The following SLC24A1 variants were observed in gnomAD, a reference collection of about 807,000 sequenced individuals.
SLC24A1 encodes the protein solute carrier family 24 member 1, also known as sodium/potassium/calcium exchanger 1.
In SLC24A1, 52 loss-of-function variants were observed where a neutral mutation model predicts 88.1. The ratio of observed to expected loss-of-function variants is 0.59; its 90% CI spans 0.47 to 0.74. The LOEUF (loss-of-function observed/expected upper bound fraction) is 0.74. SLC24A1 is among the 30% of genes least tolerant of loss of function. The probability of loss-of-function intolerance (pLI) is 0.00; values close to 1 mark genes in which losing one functional copy is unlikely to be tolerated. For missense variants in SLC24A1, 1,173 were observed against 1,363.3 expected, an observed-to-expected ratio of 0.86 and a Z score of 2.20; for synonymous variants, 455 against 498.0, an observed-to-expected ratio of 0.91 and a Z score of 1.15.
At chr15:65,633,729 TTACA>T (rs1423092393) in intron 2 of SLC24A1, among the ~76,000 whole-genome samples, 2 of 152,162 alleles carry the variant, frequency 1.3e-5, no homozygotes, top group African/African-American at 4.8e-5. Context: ...AAAATTAAAA[TTACA>T]TATATGGCTT....
Position 65,654,452 on chromosome 15 carries a change from A to G in SLC24A1, c.*373A>G. 8.6e-7 allele frequency: 1 copy of G among 1,164,628 alleles called. No homozygotes were observed. The highest frequency in any genetic ancestry group is 1.8e-5 in the South Asian group (1 of 56,228). The allele number at this position is 1,164,628 out of a possible 1,614,324, so 72.1% of individuals were successfully genotyped here. On this transcript the variant is annotated 3_prime_UTR_variant, in exon 10 of 10. Coordinates refer to ENST00000261892, the MANE Select transcript of SLC24A1 (RefSeq NM_004727.3). ...ACGCTCACTGTTCCCTGATCATTCC[A>G]AAGGCTGCTGGCCCAAAAGATGCAG...
chr15:65,660,798 A>T (rs944187334), downstream of SLC24A1: 1 of 152,700 alleles, frequency 6.5e-6, no homozygotes, highest in African/African-American at 2.4e-5. Flanking sequence ...TCTACTTTTG[A>T]AAAAAATTCT....
intron 6 of SLC24A1, among the ~76,000 whole-genome samples, chr15:65,646,290 G>A (rs1249122600): frequency 6.6e-6 from 1 of 151,926 alleles, no homozygotes; most frequent in Non-Finnish European, 1.5e-5. Flanking sequence ...TGTTGGCCAG[G>A]ATGGTCTTGA....
chr15:65,644,554 C>G lies in SLC24A1; in HGVS notation c.2140+41C>G, dbSNP rs756370604. On this transcript the variant is annotated intron_variant, in intron 5 of 9. Coordinates refer to ENST00000261892, the MANE Select transcript of SLC24A1 (RefSeq NM_004727.3). The stretch of plus-strand genomic sequence containing the variant: ...GACCAGTGGGTTTTCTCCTGCCCCC[C>G]TCTCCCTGCTGTCAGTAGTGAGCTT... 5 of 1,382,292 alleles carry G rather than the reference C, an allele frequency of 3.6e-6. No homozygotes were observed. In the African/African-American group the frequency reaches 4.3e-5, roughly 12 times the overall value. The allele number at this position is 1,382,292 out of a possible 1,614,324, so 85.6% of individuals were successfully genotyped here.
chr15:65,647,202 G>A (rs1299968019), intron 6 of SLC24A1, among the ~76,000 whole-genome samples: 2 of 152,174 alleles, frequency 1.3e-5, no homozygotes, highest in East Asian at 1.9e-4. Flanking sequence ...ATCGGGCCGG[G>A]TGTTGTGGCT....
At chr15:65,660,552 T>A (rs79607088), downstream of SLC24A1, 16,700 of 392,418 alleles carry the variant, frequency 0.043, 470 homozygotes, top group Non-Finnish European at 0.058. Context: ...AGCCAAAAGA[T>A]GTTTTTCCTT....
chr15:65,627,867 G>A (rs572827908), intron 2 of SLC24A1, among the ~76,000 whole-genome samples: 1 of 152,318 alleles, frequency 6.6e-6, no homozygotes, highest in Non-Finnish European at 1.5e-5. Context: ...ATAACCTACT[G>A]AAGGGACTCT....
intron 1 of SLC24A1, among the ~76,000 whole-genome samples, chr15:65,623,019 A>G (rs1382218708): frequency 1.3e-5 from 2 of 152,080 alleles, no homozygotes; most frequent in East Asian, 3.9e-4. Context: ...AGGGATTCCA[A>G]GCATGAGCCA....
At chr15:65,628,512 A>C (rs548840032) in intron 2 of SLC24A1, among the ~76,000 whole-genome samples, 1 of 152,266 alleles carries the variant, frequency 6.6e-6, no homozygotes, top group African/African-American at 2.4e-5. Context: ...TTGAGAATCC[A>C]TGCTTACGGA....
Position 65,624,260 on chromosome 15 carries a change from A to G in SLC24A1, c.180A>G (p.Ile60Met), listed in dbSNP as rs1297958997. ...CAGCAGTCTCTTCTCATCAGCCTAT[A>G]AAACTGGCCAGTCGGGACCTCTCCA... is the stretch of plus-strand genomic sequence containing the variant. ...LWAAVSSHQP[I>M]KLASRDLSSE... Residue 60 changes from isoleucine to methionine, a missense_variant, in exon 2 of 10, where the codon ATA becomes ATG. Ile to Met is a conservative substitution (Grantham distance 10). Transcript: ENST00000261892. 8 of 1,613,766 alleles carry G rather than the reference A, an allele frequency of 5.0e-6. No individual in the cohort carries two copies. In the East Asian group the frequency reaches 1.3e-4, roughly 27 times the overall value.
intron 3 of SLC24A1, among the ~76,000 whole-genome samples, chr15:65,639,005 GA>G (rs1006812403): frequency 6.6e-6 from 1 of 151,884 alleles, no homozygotes; most frequent in Non-Finnish European, 1.5e-5. Flanking sequence ...CACATGGGCA[GA>G]AAAAAAACCA....
rs780270019 is a variant in SLC24A1 at position 65,652,820 on chromosome 15, T to C, written c.3050+12T>C. The stretch of plus-strand genomic sequence containing the variant: ...GATATCACTGTGGGGTGAGTGGCAA[T>C]GTAACTTTCTAAGGGGTGTTAAGTA... On this transcript the variant is annotated intron_variant, in intron 9 of 9. Transcript: ENST00000261892. 3 of 1,582,342 alleles carry C rather than the reference T, an allele frequency of 1.9e-6. No individual in the cohort carries two copies. Among genetic ancestry groups the C allele is most frequent in the South Asian group, 2.3e-5 (2 of 86,790 alleles).
intron 4 of SLC24A1, 144 bp downstream of exon 4, chr15:65,639,847 TCAGA>T: frequency 1.5e-6 from 1 of 686,718 alleles, no homozygotes; most frequent in South Asian, 1.6e-5. Flanking sequence ...GTAGTAAAAG[TCAGA>T]CAGTCTGGGA....
In SLC24A1 at chr15:65,642,939, T is replaced by A. The variant is rs140623274; in HGVS notation, c.2054-1488T>A. 154 of 1,167,448 alleles carry A rather than the reference T, an allele frequency of 1.3e-4. No homozygotes were observed. The African/African-American group carries it at 2.1e-3, about 16-fold the overall frequency. The allele number at this position is 1,167,448 out of a possible 1,614,324, so 72.3% of individuals were successfully genotyped here. On this transcript the variant is annotated intron_variant, in intron 4 of 9. Transcript: ENST00000261892. The stretch of plus-strand genomic sequence containing the variant: ...TCCGTCTGTATTATGGACTAGATGA[T>A]CTCCAGGGTTCCTTCTAACTCGGAC...
intron 2 of SLC24A1, among the ~76,000 whole-genome samples, chr15:65,634,755 A>AG (rs1405217102): frequency 6.7e-6 from 1 of 149,692 alleles, no homozygotes; most frequent in Non-Finnish European, 1.5e-5. Flanking sequence ...AAAAAAAAAA[A>AG]AAAGAAAAAG....
intron 9 of SLC24A1, 111 bp from the exon 10 acceptor site, chr15:65,653,719 C>T: frequency 1.8e-6 from 2 of 1,098,956 alleles, no homozygotes; most frequent in Non-Finnish European, 2.6e-6. Context: ...CTGTTCACTT[C>T]ATAGATATTT....
chr15:65,626,354 T>G (rs1596310319), intron 2 of SLC24A1, among the ~76,000 whole-genome samples: 1 of 152,304 alleles, frequency 6.6e-6, no homozygotes, highest in East Asian at 1.9e-4. Context: ...CTTTGGAGAA[T>G]GTCCAAGAAG....
At chr15:65,627,225 T>C (rs2074550237) in intron 2 of SLC24A1, among the ~76,000 whole-genome samples, 1 of 152,218 alleles carries the variant, frequency 6.6e-6, no homozygotes, top group Non-Finnish European at 1.5e-5. Flanking sequence ...TAATGAATTG[T>C]GTGACCATAG....
In SLC24A1 at chr15:65,625,170, G is replaced by A; in HGVS notation, c.1090G>A (p.Val364Ile). The A allele has an allele frequency of 6.2e-7, 1 of 1,613,938 alleles. No homozygotes were observed. The highest frequency in any genetic ancestry group is 1.1e-5 in the South Asian group (1 of 91,086). ...AGCCATCAAAACAGCCCCAGCCATA[G>A]TCTGGAGGCTGGCAAAGAAACCTTC... The part of the protein sequence containing the change: ...VSAIKTAPAI[V>I]WRLAKKPSTA... Residue 364 changes from valine to isoleucine, a missense_variant, in exon 2 of 10, where the codon GTC (valine) becomes ATC (isoleucine). Val to Ile is a conservative substitution (Grantham distance 29). Transcript: ENST00000261892.
Sources: allele counts gnomAD v4.1 joint callset (sites outside exome capture counted in the v4.1 genomes callset), GRCh38; gene constraint gnomAD v4.1.1; transcripts MANE v1.5; gene names NCBI Gene and HGNC (gene_info 2026-07-23, HGNC 2026-07-21).